STPG1: variants seen among roughly 807,000 people sequenced by gnomAD.
STPG1 encodes sperm tail PG-rich repeat containing 1.
A neutral mutation model predicts 40.1 loss-of-function variants in STPG1; 33 were observed. The observed-to-expected ratio is 0.82, with a 90% CI of 0.62 to 1.10. The LOEUF (loss-of-function observed/expected upper bound fraction) is 1.10, where lower values mean the gene tolerates loss of function less well. Among genes scored for constraint, STPG1 ranks in the 50% least tolerant of loss-of-function variants. The probability of loss-of-function intolerance (pLI) is 0.00; values close to 1 mark genes in which losing one functional copy is unlikely to be tolerated. For missense variants in STPG1, 396 were observed against 415.1 expected (o/e 0.95, Z 0.40); for synonymous variants, 150 against 155.0 (o/e 0.97, Z 0.24).
At chr1:24,383,269 T>G (rs1642367563) in intron 4 of STPG1, among the ~76,000 whole-genome samples, 1 of 152,230 alleles carries the variant, frequency 6.6e-6, no homozygotes, top group Non-Finnish European at 1.5e-5. Context: ...TTCCCCTTGC[T>G]GTATCTGTTT....
Position 24,357,824 on chromosome 1 carries a change from T to C in STPG1, c.*719A>G. ...GCCATGTGGACTCCATGGAAGGGCC[T>C]GTAAGCCTTGAGAAAATTCAGTCCC... On this transcript the variant is annotated 3_prime_UTR_variant, in exon 9 of 9. Transcript: ENST00000337248. The C allele has an allele frequency of 3.4e-6, 1 of 294,410 alleles. No homozygotes were observed. Among genetic ancestry groups the C allele is most frequent in the South Asian group, 3.5e-5 (1 of 28,252 alleles). The allele number at this position is 294,410 out of a possible 1,614,324, so 18.2% of individuals were successfully genotyped here.
chr1:24,377,186 C>T (rs568334156), intron 5 of STPG1, among the ~76,000 whole-genome samples: 4 of 152,084 alleles, frequency 2.6e-5, no homozygotes, highest in East Asian at 3.9e-4. Context: ...ATTGGGGAGG[C>T]GGAGGTTGCA....
intron 2 of STPG1, among the ~76,000 whole-genome samples, chr1:24,397,903 CA>C (rs779662585): frequency 6.6e-6 from 1 of 152,106 alleles, no homozygotes; most frequent in Non-Finnish European, 1.5e-5. Flanking sequence ...CTGCTATGAG[CA>C]TTTTATCTAC....
intron 5 of STPG1, among the ~76,000 whole-genome samples, chr1:24,377,462 G>A (rs1311927014): frequency 6.6e-6 from 1 of 151,924 alleles, no homozygotes; most frequent in Admixed American, 6.6e-5. Context: ...CGTGGGCTGG[G>A]CTCCTTGCTA....
intron 2 of STPG1, among the ~76,000 whole-genome samples, chr1:24,395,272 C>T (rs1239318338): frequency 6.6e-6 from 1 of 151,806 alleles, no homozygotes; most frequent in African/African-American, 2.4e-5. Context: ...AAAGAATCAT[C>T]AGCAAATGGG....
intron 4 of STPG1, among the ~76,000 whole-genome samples, chr1:24,380,565 T>C (rs1198535836): frequency 1.3e-5 from 2 of 152,204 alleles, no homozygotes; most frequent in Non-Finnish European, 2.9e-5. Context: ...CTTGAGAACA[T>C]TGCCCTGGAT....
intron 1 of STPG1, among the ~76,000 whole-genome samples, chr1:24,405,811 T>C (rs1376073233): frequency 2.6e-5 from 2 of 76,710 alleles, no homozygotes; most frequent in East Asian, 6.4e-4. Context: ...TTCTGAAGTC[T>C]TATTTTTTCT....
rs371208659 is a variant in STPG1 at position 24,359,973 on chromosome 1, T to C, written c.928+878A>G. Among the ~76,000 whole-genome samples the C allele has an allele frequency of 8.5e-5, 13 of 152,232 alleles. No individual in the cohort carries two copies. In the East Asian group the frequency reaches 2.1e-3, roughly 25 times the overall value. ...GTGGCGCTAGAAGGTTCAAAAGAGC[T>C]GCTCCGTTGGACAGTCCCTGGTTAA... On this transcript the variant is annotated intron_variant, in intron 8 of 8. Transcript: ENST00000337248. The surrounding 1 kb of genome is among the most constrained non-coding windows in gnomAD (Gnocchi z 5.3).
intron 7 of STPG1, chr1:24,364,274 T>C: frequency 6.5e-7 from 1 of 1,548,910 alleles, no homozygotes; most frequent in South Asian, 1.2e-5. Flanking sequence ...GTGAGGAACA[T>C]GGGTTTTGGA....
chr1:24,388,813 G>A (rs1480621982), intron 3 of STPG1, among the ~76,000 whole-genome samples: 1 of 152,154 alleles, frequency 6.6e-6, no homozygotes, highest in Non-Finnish European at 1.5e-5. Context: ...AAATGAGAAC[G>A]AACATAGAAT....
At chr1:24,383,701 G>A (rs1216100187) in intron 4 of STPG1, among the ~76,000 whole-genome samples, 2 of 152,204 alleles carry the variant, frequency 1.3e-5, no homozygotes, top group East Asian at 3.9e-4. Flanking sequence ...TTCCCACCCT[G>A]GCAGTGGGTA....
chr1:24,408,678 C>T (rs1427976413), intron 1 of STPG1, among the ~76,000 whole-genome samples: 2 of 152,206 alleles, frequency 1.3e-5, no homozygotes, highest in African/African-American at 2.4e-5. Context: ...TTGTTTAACA[C>T]ATTTAACTAC....
intron 3 of STPG1, among the ~76,000 whole-genome samples, chr1:24,391,031 C>T (rs1473969594): frequency 6.6e-6 from 1 of 152,006 alleles, no homozygotes; most frequent in Non-Finnish European, 1.5e-5. Context: ...GTTGCCTGGG[C>T]TGATCTGAAA....
Position 24,374,249 on chromosome 1 carries a change from T to C in STPG1, c.463-439A>G, listed in dbSNP as rs532490641. Among the ~76,000 whole-genome samples, 2 of 89,060 alleles carry C rather than the reference T, an allele frequency of 2.2e-5. 1 individual carries two copies. The highest frequency in any genetic ancestry group is 1.4e-4 in the African/African-American group (2 of 14,128). 58.4% of individuals were successfully genotyped at this position (89,060 alleles called of 152,430 possible). On this transcript the variant is annotated intron_variant, in intron 5 of 8. Transcript: ENST00000337248. ...GAGATCACCGCTAGGAAAGTGTTTT[T>C]TTTTTTTGTTTTTTTTTTTTTTTTT...
intron 7 of STPG1, among the ~76,000 whole-genome samples, chr1:24,365,057 G>A (rs1195735740): frequency 2.6e-5 from 4 of 152,200 alleles, no homozygotes; most frequent in Non-Finnish European, 4.4e-5. Flanking sequence ...AAGGGCAGCC[G>A]ATTGCCTCTG....
intron 7 of STPG1, chr1:24,364,197 C>A: frequency 6.6e-7 from 1 of 1,515,902 alleles, no homozygotes; most frequent in Non-Finnish European, 8.8e-7. Flanking sequence ...AAACTTCTCT[C>A]CTCCACCCAC....
At chr1:24,387,126 A>G (rs981601634) in intron 3 of STPG1, among the ~76,000 whole-genome samples, 1 of 152,180 alleles carries the variant, frequency 6.6e-6, no homozygotes, top group Non-Finnish European at 1.5e-5. Context: ...CAGCCTGTTG[A>G]AGTGCCCTGC....
chr1:24,377,210 G>A (rs993278602), intron 5 of STPG1, among the ~76,000 whole-genome samples: 35 of 152,024 alleles, frequency 2.3e-4, no homozygotes, highest in African/African-American at 7.3e-4. Context: ...AGCCAAGATC[G>A]TGCCACTGCA....
chr1:24,392,065 GGCCTAGATTCAGAC>G, intron 2 of STPG1: 1 of 998,134 alleles, frequency 1.0e-6, no homozygotes, highest in Non-Finnish European at 1.2e-6. Flanking sequence ...ACTGCTCCTT[GGCCTAGATTCAGAC>G]ACCAGCATTA....
Sources: gnomAD v4.1 joint callset for allele counts (sites outside exome capture counted in the v4.1 genomes callset) on GRCh38, gnomAD v4.1.1 for gene constraint, Gnocchi (gnomAD v3.1) non-coding constraint, MANE v1.5 for transcripts, NCBI Gene and HGNC (gene_info 2026-07-23, HGNC 2026-07-21) for gene names.